The following ATG4B variants were observed in gnomAD, a reference collection of about 807,000 sequenced individuals.
ATG4B encodes cysteine protease ATG4B.
Under a neutral mutation model 56.6 loss-of-function variants are expected in ATG4B, and 29 were observed. That is an observed-to-expected ratio of 0.51 (90% confidence interval 0.38 to 0.70). The LOEUF is 0.70. Ranked by LOEUF, ATG4B falls within the 30% of genes least tolerant of loss-of-function variation. The pLI is 0.00. For missense variants in ATG4B, 461 were observed against 515.5 expected, an observed-to-expected ratio of 0.89 and a Z score of 1.02; for synonymous variants, 224 against 206.1, an observed-to-expected ratio of 1.09 and a Z score of -0.74.
intron 3 of ATG4B, among the ~76,000 whole-genome samples, chr2:241,652,706 G>A (rs149414068): frequency 7.9e-5 from 12 of 152,242 alleles, no homozygotes; most frequent in Non-Finnish European, 1.6e-4. Context: ...GCAGTGGAGC[G>A]AGGGTGACCA....
At chr2:241,666,307 G>A (rs1320592946) in intron 7 of ATG4B, among the ~76,000 whole-genome samples, 1 of 152,254 alleles carries the variant, frequency 6.6e-6, no homozygotes, top group Non-Finnish European at 1.5e-5. Flanking sequence ...GGTTCTGGCT[G>A]TGCTGGCACT....
rs2069015583 is a variant in ATG4B at position 241,672,482 on chromosome 2, A to G, written c.*218A>G. The G allele has an allele frequency of 1.7e-6, 1 of 583,382 alleles. No individual in the cohort carries two copies. The highest frequency in any genetic ancestry group is 1.9e-5 in the African/African-American group (1 of 53,516). The allele number at this position is 583,382 out of a possible 1,614,324, so 36.1% of individuals were successfully genotyped here. On this transcript the variant is annotated 3_prime_UTR_variant, in exon 13 of 13. Coordinates refer to ENST00000404914, the MANE Select transcript of ATG4B (RefSeq NM_013325.5). The stretch of plus-strand genomic sequence containing the variant: ...TCAGAGTGCCCGTCAGGGCCTGTGC[A>G]TCCGCACGCGGAGCCGTCTGTTAGG...
chr2:241,661,123 G>A (rs1274055491), intron 7 of ATG4B, among the ~76,000 whole-genome samples: 1 of 152,230 alleles, frequency 6.6e-6, no homozygotes, highest in East Asian at 1.9e-4. Context: ...TCCTGGAAGA[G>A]CTTGAATCTG....
chr2:241,662,953 G>A (rs140398332), intron 7 of ATG4B, among the ~76,000 whole-genome samples: 7,492 of 151,918 alleles, frequency 0.049, 301 homozygotes, highest in African/African-American at 0.12. Context: ...CCAATAAAGC[G>A]GGCCGGGCGC....
In ATG4B at chr2:241,671,934, G is replaced by A. The variant is rs143661453; in HGVS notation, c.1109-257G>A. The stretch of plus-strand genomic sequence containing the variant: ...CCTGATGACCACGAGGGTCAGACGC[G>A]GGACAGAGGCCCCTCAGGCCTGAGA... On this transcript the variant is annotated intron_variant, in intron 12 of 12. Transcript: ENST00000404914. 10 of 1,381,364 alleles carry A rather than the reference G, an allele frequency of 7.2e-6. No homozygotes were observed. The Admixed American group carries it at 1.3e-4, about 17-fold the overall frequency. The allele number at this position is 1,381,364 out of a possible 1,614,324, so 85.6% of individuals were successfully genotyped here.
At chr2:241,646,202 T>C (rs181560699) in intron 1 of ATG4B, among the ~76,000 whole-genome samples, 2 of 152,320 alleles carry the variant, frequency 1.3e-5, no homozygotes, top group Admixed American at 1.3e-4. Flanking sequence ...ACACCTGCTG[T>C]GCATTTTACT....
rs1005028899 is a variant in ATG4B, at chr2:241,641,720, A to G, written c.10+3996A>G. Among the ~76,000 whole-genome samples the G allele has an allele frequency of 2.0e-4, 30 of 152,144 alleles. No homozygotes were observed. The East Asian group carries it at 5.8e-3, about 29-fold the overall frequency. ...TTTGGGTCTACAGGTTTGGAGCTAA[A>G]AGAATAAGCCTGGGCTGGAGATAGA... On this transcript the variant is annotated intron_variant, in intron 1 of 12. Coordinates refer to ENST00000404914, the MANE Select transcript of ATG4B (RefSeq NM_013325.5).
chr2:241,662,749 CATG>C lies in ATG4B; in HGVS notation c.538+3563_538+3565del, dbSNP rs1463404285. Among the ~76,000 whole-genome samples the C allele has an allele frequency of 1.4e-4, 22 of 152,166 alleles. No homozygotes were observed. In the East Asian group the frequency reaches 4.4e-3, roughly 30 times the overall value. On this transcript the variant is annotated intron_variant, in intron 7 of 12. Coordinates refer to ENST00000404914, the MANE Select transcript of ATG4B (RefSeq NM_013325.5). Reference sequence around the variant, plus strand: ...TTCAAAATCAGTAAAGTGGGCCGGGCATGGTGGCTCACGCCTATAATCCCAACT... The same window carrying C: ...TTCAAAATCAGTAAAGTGGGCCGGGCGTGGCTCACGCCTATAATCCCAACT...
intron 1 of ATG4B, among the ~76,000 whole-genome samples, chr2:241,645,698 G>C (rs951132579): frequency 2.0e-5 from 3 of 152,206 alleles, no homozygotes; most frequent in African/African-American, 7.2e-5. Context: ...ACGTGCTCCA[G>C]GTGTGACGTG....
Position 241,673,152 on chromosome 2 carries a change from C to T in ATG4B, c.*888C>T, listed in dbSNP as rs146645014. The T allele has an allele frequency of 4.8e-3, 945 of 197,092 alleles. 9 individuals carry two copies. Among genetic ancestry groups the T allele is most frequent in the Middle Eastern group, 0.024 (10 of 420 alleles). The allele number at this position is 197,092 out of a possible 1,614,324, so 12.2% of individuals were successfully genotyped here. A position where few individuals can be genotyped will look rare whatever the true frequency, so the allele number is the denominator to read the frequency against. ...CTTGCTGAGAATTGCCCTCCCATGC[C>T]GCTGAGGTGTTAGGTGGTTTAGGGC... On this transcript the variant is annotated 3_prime_UTR_variant, in exon 13 of 13. Transcript: ENST00000404914.
In ATG4B at chr2:241,644,598, C is replaced by T. The variant is rs138307650; in HGVS notation, c.11-6412C>T. 1.9e-4 allele frequency among the ~76,000 whole-genome samples: 29 copies of T among 152,200 alleles called. 1 individual carries two copies. Among genetic ancestry groups the T allele is most frequent in the South Asian group, 8.3e-4 (4 of 4,814 alleles). The stretch of plus-strand genomic sequence containing the variant: ...AGGAATCAGAAGTGTTGGCCGGGCG[C>T]GGTCTGCCTGTAGCTATCGAGCAGG... On this transcript the variant is annotated intron_variant, in intron 1 of 12. Transcript: ENST00000404914.
At chr2:241,656,301 C>T (rs183680773) in intron 6 of ATG4B, among the ~76,000 whole-genome samples, 21 of 152,238 alleles carry the variant, frequency 1.4e-4, no homozygotes, top group African/African-American at 3.9e-4. Flanking sequence ...CCACGTCACC[C>T]GCGTCCCACG....
In ATG4B at chr2:241,668,757, C is replaced by A. The variant is rs780892379; in HGVS notation, c.957+72C>A. On this transcript the variant is annotated intron_variant, in intron 10 of 12. Transcript: ENST00000404914. This position sits in a 1 kb window ranked among gnomAD's most constrained non-coding sequence, Gnocchi z 4.2. ...GTTTGGGAATGACGAGGAAAACTTT[C>A]GGATTTTTGCGTTTTTTTTTTCAGC... 2.7e-6 allele frequency: 4 copies of A among 1,499,512 alleles called. No homozygotes were observed. In the South Asian group the frequency reaches 3.9e-5, roughly 15 times the overall value. The allele number at this position is 1,499,512 out of a possible 1,614,324, so 92.9% of individuals were successfully genotyped here.
intron 12 of ATG4B, chr2:241,671,975 C>T: frequency 7.1e-7 from 1 of 1,413,058 alleles, no homozygotes; most frequent in Non-Finnish European, 9.2e-7. Flanking sequence ...CCGGCCGCCC[C>T]CTGCCCTCCT....
rs1162708835 is a variant in ATG4B, at chr2:241,651,268, G to T, written c.117G>T (p.Lys39Asn). ...LGRKYSIFTE[K>N]DEILSDVASR... is the part of the protein sequence containing the mutation. The stretch of plus-strand genomic sequence containing the variant: ...TTTCTTTTAAACAACCTCTAGAAAA[G>T]GACGAGATCTTGTCTGATGTGGCAT... The change falls in exon 3 of 13, where the codon AAG becomes AAT. Residue 39 changes from lysine to asparagine, a missense_variant. Physicochemically the swap from Lys to Asn is moderately conservative, Grantham distance 94. Coordinates refer to ENST00000404914, the MANE Select transcript of ATG4B (RefSeq NM_013325.5). The surrounding 1 kb of genome is among the most constrained non-coding windows in gnomAD (Gnocchi z 4.1). The T allele has an allele frequency of 1.0e-5, 16 of 1,598,462 alleles. No individual in the cohort carries two copies. Among genetic ancestry groups the T allele is most frequent in the African/African-American group, 1.3e-5 (1 of 74,648 alleles).
intron 1 of ATG4B, among the ~76,000 whole-genome samples, chr2:241,644,705 T>C (rs934807155): frequency 6.6e-6 from 1 of 152,084 alleles, no homozygotes; most frequent in Non-Finnish European, 1.5e-5. Flanking sequence ...ATCCCAGCAC[T>C]TTCGGAAGCT....
Position 241,672,338 on chromosome 2 carries a change from C to A in ATG4B, c.*74C>A. Reference sequence around the variant, plus strand: ...GCCGCTGCGTTTCATCCATCCCGCCCGCTCGCCTGCCGAGGGCTGCGCCCC... The same window carrying A: ...GCCGCTGCGTTTCATCCATCCCGCCAGCTCGCCTGCCGAGGGCTGCGCCCC... On this transcript the variant is annotated 3_prime_UTR_variant, in exon 13 of 13. Coordinates refer to ENST00000404914, the MANE Select transcript of ATG4B (RefSeq NM_013325.5). The A allele has an allele frequency of 7.4e-7, 1 of 1,359,076 alleles. No individual in the cohort carries two copies. The highest frequency in any genetic ancestry group is 1.0e-6 in the Non-Finnish European group (1 of 976,956). 84.2% of individuals were successfully genotyped at this position (1,359,076 alleles called of 1,614,324 possible).
chr2:241,671,129 G>C (rs1176672424), intron 11 of ATG4B, among the ~76,000 whole-genome samples, 183 bp from the exon 12 acceptor site: 1 of 152,252 alleles, frequency 6.6e-6, no homozygotes, highest in Non-Finnish European at 1.5e-5. Flanking sequence ...TGGTCAGACT[G>C]TGCTGTGTGT....
Position 241,654,378 on chromosome 2 carries a change from G to A in ATG4B, c.284-168G>A, listed in dbSNP as rs1240904262. ...GGAGGTTGCAGTGAGCCGAGATCACGCCATTGCACTCCATCCTGGGTGAGA... is the reference window on the plus strand; with the variant it reads ...GGAGGTTGCAGTGAGCCGAGATCACACCATTGCACTCCATCCTGGGTGAGA... On this transcript the variant is annotated intron_variant, in intron 4 of 12. Coordinates refer to ENST00000404914, the MANE Select transcript of ATG4B (RefSeq NM_013325.5). 4.9e-5 allele frequency among the ~76,000 whole-genome samples: 7 copies of A among 141,840 alleles called. No homozygotes were observed. The East Asian group carries it at 8.4e-4, about 17-fold the overall frequency. 93.1% of individuals were successfully genotyped at this position (141,840 alleles called of 152,430 possible). A position where few individuals can be genotyped will look rare whatever the true frequency, so the allele number is the denominator to read the frequency against.
Sources: gnomAD v4.1 joint callset for allele counts (sites outside exome capture counted in the v4.1 genomes callset) on GRCh38, gnomAD v4.1.1 for gene constraint, Gnocchi (gnomAD v3.1) non-coding constraint, MANE v1.5 for transcripts, NCBI Gene and HGNC (gene_info 2026-07-23, HGNC 2026-07-21) for gene names.